FRMD4B: variants seen among roughly 807,000 people sequenced by gnomAD.
FRMD4B encodes the protein FERM domain-containing protein 4B.
Under a neutral mutation model 141.5 loss-of-function variants are expected in FRMD4B, and 74 were observed. That is an observed-to-expected ratio of 0.52 (90% CI 0.43 to 0.63). The LOEUF is 0.63. Among genes scored for constraint, FRMD4B ranks in the 30% least tolerant of loss-of-function variants. FRMD4B has a pLI of 0.00. For missense variants in FRMD4B, 1,366 were observed against 1,253.4 expected (o/e 1.09, Z -1.36); for synonymous variants, 506 against 467.9 (o/e 1.08, Z -1.05).
intron 2 of FRMD4B, among the ~76,000 whole-genome samples, chr3:69,413,080 T>C (rs1219243477): frequency 3.3e-5 from 5 of 152,098 alleles, no homozygotes; most frequent in Non-Finnish European, 7.4e-5. Context: ...TTCATTGCTA[T>C]ACTCTTGATA....
chr3:69,304,499 A>AC lies in FRMD4B; in HGVS notation c.324-2065_324-2064insG, dbSNP rs1355357531. On this transcript the variant is annotated intron_variant, in intron 3 of 22. Coordinates refer to ENST00000398540, the MANE Select transcript of FRMD4B (RefSeq NM_015123.3). ...ATTCTATCTCAAAAAAAAAAAAAAA[A>AC]AAAAAACAGTACAGGGCTGAATACT... 2.0e-5 allele frequency among the ~76,000 whole-genome samples: 3 copies of AC among 151,842 alleles called. No individual in the cohort carries two copies. The East Asian group carries it at 5.8e-4, about 29-fold the overall frequency.
intron 5 of FRMD4B, among the ~76,000 whole-genome samples, chr3:69,253,541 C>A (rs1341904348): frequency 6.6e-6 from 1 of 152,096 alleles, no homozygotes; most frequent in Non-Finnish European, 1.5e-5. Flanking sequence ...TTCATGGAAA[C>A]TTATCTGTGC....
At chr3:69,373,785 A>G (rs889352767) in intron 1 of FRMD4B, among the ~76,000 whole-genome samples, 2 of 152,274 alleles carry the variant, frequency 1.3e-5, no homozygotes, top group East Asian at 3.9e-4. Flanking sequence ...AGGCGAGAGG[A>G]TCACTTGAAC....
At chr3:69,304,665 G>A (rs115548993) in intron 3 of FRMD4B, among the ~76,000 whole-genome samples, 1 of 152,096 alleles carries the variant, frequency 6.6e-6, no homozygotes, top group African/African-American at 2.4e-5. Flanking sequence ...CAAAAGGATT[G>A]ATGACACTGG....
chr3:69,269,372 T>C (rs2106920556), intron 5 of FRMD4B, among the ~76,000 whole-genome samples: 1 of 151,872 alleles, frequency 6.6e-6, no homozygotes, highest in Non-Finnish European at 1.5e-5. Flanking sequence ...TGTGAGGAGG[T>C]AATGTTATCA....
rs1487394957 is a variant in FRMD4B at position 69,540,654 on chromosome 3, T to TACACAC, written c.-129+1551_-129+1552insGTGTGT. Among the ~76,000 whole-genome samples, 186 of 78,050 alleles carry TACACAC rather than the reference T, an allele frequency of 2.4e-3. 1 individual carries two copies. The highest frequency in any genetic ancestry group is 7.4e-3 in the African/African-American group (108 of 14,640). The allele number at this position is 78,050 out of a possible 152,430, so 51.2% of individuals were successfully genotyped here. Reference sequence around the variant, plus strand: ...AAAAAAAAATATATATATATATATATATATATACACACACACACACACACA... The same window carrying TACACAC: ...AAAAAAAAATATATATATATATATATACACACATATATACACACACACACACACACA... On this transcript the variant is annotated intron_variant, in intron 1 of 5. Coordinates refer to the FRMD4B transcript ENST00000459638.
At chr3:69,453,690 A>G (rs1338732136) in intron 1 of FRMD4B, among the ~76,000 whole-genome samples, 1 of 152,190 alleles carries the variant, frequency 6.6e-6, no homozygotes, top group East Asian at 1.9e-4. Context: ...GCTGGGGTGC[A>G]TGGCATTTGG....
intron 7 of FRMD4B, among the ~76,000 whole-genome samples, chr3:69,247,717 C>T (rs1252057753): frequency 2.6e-5 from 4 of 152,120 alleles, no homozygotes; most frequent in Non-Finnish European, 4.4e-5. Context: ...GGCACTATCT[C>T]GGCTCACTGC....
At chr3:69,450,392 G>C (rs1382789729) in intron 1 of FRMD4B, among the ~76,000 whole-genome samples, 3 of 152,110 alleles carry the variant, frequency 2.0e-5, no homozygotes, top group Non-Finnish European at 4.4e-5. Flanking sequence ...GGGAGACTGA[G>C]GTGGGAGGAT....
At chr3:69,456,343 T>A (rs1024027103) in intron 1 of FRMD4B, among the ~76,000 whole-genome samples, 5 of 152,182 alleles carry the variant, frequency 3.3e-5, no homozygotes, top group Non-Finnish European at 7.4e-5. Context: ...ACTAAAAAAA[T>A]TCATATGCCT....
chr3:69,263,179 C>T (rs1384367417), intron 5 of FRMD4B, among the ~76,000 whole-genome samples: 1 of 152,096 alleles, frequency 6.6e-6, no homozygotes, highest in Non-Finnish European at 1.5e-5. Context: ...ACTGCTTGAA[C>T]CCGGGAGGTG....
At chr3:69,426,004 A>T (rs1705071056) in intron 2 of FRMD4B, among the ~76,000 whole-genome samples, 1 of 152,274 alleles carries the variant, frequency 6.6e-6, no homozygotes, top group African/African-American at 2.4e-5. Flanking sequence ...GCCTTTTAAT[A>T]GCTTTAATAC....
At chr3:69,472,449 G>T in intron 1 of FRMD4B, 1 of 443,630 alleles carries the variant, frequency 2.3e-6, no homozygotes, top group Non-Finnish European at 4.5e-6. Flanking sequence ...AAGGCCAAAC[G>T]GAAGACCAGC....
Position 69,224,615 on chromosome 3 carries a change from A to G in FRMD4B, c.657T>C (p.Leu219=). ...ATGTGGATTTGGCTTACCAGTAGGC[A>G]AGGGATGGATGCTCCTGAAGAGTTT... ...PTKTLQEHPS[L]AYCEDRVIEH... Residue 219 remains leucine, a synonymous_variant, in exon 8 of 23, where the codon CTT becomes CTC. Transcript: ENST00000398540. 6.5e-7 allele frequency: 1 copy of G among 1,548,350 alleles called. No homozygotes were observed. Among genetic ancestry groups the G allele is most frequent in the South Asian group, 1.1e-5 (1 of 87,068 alleles).
intron 1 of FRMD4B, chr3:69,376,977 C>T (rs963050760): frequency 2.6e-5 from 4 of 152,056 alleles, no homozygotes; most frequent in Non-Finnish European, 5.9e-5. Context: ...AACAAACACT[C>T]ATTTGAAGAG....
At chr3:69,518,437 T>A (rs549349660) in intron 1 of FRMD4B, among the ~76,000 whole-genome samples, 56 of 152,308 alleles carry the variant, frequency 3.7e-4, no homozygotes, top group South Asian at 1.2e-3. Flanking sequence ...CCCATTCTGA[T>A]GGTGAATACT....
intron 7 of FRMD4B, among the ~76,000 whole-genome samples, chr3:69,240,145 G>C (rs2093371278): frequency 6.6e-6 from 1 of 151,912 alleles, no homozygotes; most frequent in African/African-American, 2.4e-5. Context: ...TAAATTTTAT[G>C]TATATTTTAC....
chr3:69,279,107 C>T (rs2093631999), intron 5 of FRMD4B, among the ~76,000 whole-genome samples: 2 of 152,122 alleles, frequency 1.3e-5, no homozygotes. Flanking sequence ...ACATACTACA[C>T]ACATACAAAT....
chr3:69,481,895 A>C (rs969973582), intron 1 of FRMD4B, among the ~76,000 whole-genome samples: 9 of 152,314 alleles, frequency 5.9e-5, no homozygotes, highest in African/African-American at 1.9e-4. Flanking sequence ...CCAGCGAAAT[A>C]AGGTTTAACA....
Sources: gnomAD v4.1 joint callset for allele counts (sites outside exome capture counted in the v4.1 genomes callset) on GRCh38, gnomAD v4.1.1 for gene constraint, MANE v1.5 for transcripts, NCBI Gene and HGNC (gene_info 2026-07-23, HGNC 2026-07-21) for gene names.